The following LIG3 variants were observed in gnomAD, a reference collection of about 807,000 sequenced individuals.
LIG3 encodes the protein DNA ligase 3, also known as ligase II, DNA, ATP-dependent.
In LIG3, 58 loss-of-function variants were observed where a neutral mutation model predicts 110.9. The observed-to-expected ratio is 0.52, with a 90% CI of 0.42 to 0.65. The LOEUF (loss-of-function observed/expected upper bound fraction) is 0.65. LIG3 is among the 30% of genes least tolerant of loss of function. LIG3 has a pLI of 0.00. For synonymous variants in LIG3, 422 were observed against 472.8 expected (o/e 0.89, Z 1.39); for missense variants, 1,094 against 1,273.8 (o/e 0.86, Z 2.15).
intron 8 of LIG3, among the ~76,000 whole-genome samples, chr17:34,993,870 C>G (rs538075938): frequency 6.6e-5 from 10 of 152,158 alleles, no homozygotes; most frequent in Non-Finnish European, 1.0e-4. Context: ...CTGCCAGCCT[C>G]ACTGTCACCT....
rs772165438 is a variant in LIG3 at position 34,983,487 on chromosome 17, C to CAGAGCTGGAAGGCTGGGA, written c.494_511dup (p.Gly165_Glu170dup). 1.2e-6 allele frequency: 2 copies of CAGAGCTGGAAGGCTGGGA among 1,614,056 alleles called. No homozygotes were observed. The highest frequency in any genetic ancestry group is 1.7e-4 in the Middle Eastern group (1 of 6,054). ...ACCACAAAAAAAATCGAGGACCTCA[C>CAGAGCTGGAAGGCTGGGA]AGAGCTGGAAGGCTGGGAAGAGCTG... On this transcript the variant is annotated inframe_insertion, in exon 2 of 20. Transcript: ENST00000378526.
In LIG3 at chr17:34,995,693, G is replaced by A. The variant is rs565845678; in HGVS notation, c.1612-371G>A. Among the ~76,000 whole-genome samples the A allele has an allele frequency of 2.6e-5, 4 of 152,160 alleles. No homozygotes were observed. In the South Asian group the frequency reaches 6.2e-4, roughly 24 times the overall value. On this transcript the variant is annotated intron_variant, in intron 9 of 19. Transcript: ENST00000378526. ...AAGTAGTCTGTTCTCCCCTAATCCAGTCCCCAGCCTGATAGTCACACATCT... is the reference window on the plus strand; with the variant it reads ...AAGTAGTCTGTTCTCCCCTAATCCAATCCCCAGCCTGATAGTCACACATCT...
intron 12 of LIG3, 66 bp from the exon 13 acceptor site, chr17:34,998,153 C>A (rs1567692358): frequency 1.6e-6 from 2 of 1,213,164 alleles, no homozygotes; most frequent in East Asian, 2.3e-5. Flanking sequence ...TGAAAAGGAA[C>A]AACCCCCACT....
Position 35,004,438 on chromosome 17 carries a change from G to A in LIG3, c.2962G>A (p.Ala988Thr), listed in dbSNP as rs766941543. ...VLGSRDKNPA[A>T]QQVSPEWIWA... ...GGGTAGCAGGGACAAGAACCCTGCG[G>A]CCCAGCAGGTCTCCCCAGAGTGGAT... Residue 988 changes from alanine to threonine, a missense_variant, in exon 20 of 20, where the codon GCC (alanine) becomes ACC (threonine). By Grantham distance (58) the Ala-to-Thr change is moderately conservative. Coordinates refer to ENST00000378526, the MANE Select transcript of LIG3 (RefSeq NM_013975.4). 3 of 1,614,198 alleles carry A rather than the reference G, an allele frequency of 1.9e-6. No homozygotes were observed. The highest frequency in any genetic ancestry group is 2.2e-5 in the South Asian group (2 of 91,082).
intron 16 of LIG3, among the ~76,000 whole-genome samples, chr17:35,000,659 A>G (rs1410345368): frequency 3.1e-5 from 4 of 126,994 alleles, no homozygotes; most frequent in Non-Finnish European, 6.2e-5. Flanking sequence ...TCTGTTGTCC[A>G]GGCTGGAGTG....
Position 35,004,495 on chromosome 17 carries a change from G to C in LIG3, c.3019G>C (p.Ala1007Pro), listed in dbSNP as rs773409007. 6.2e-7 allele frequency: 1 copy of C among 1,613,496 alleles called. No homozygotes were observed. Among genetic ancestry groups the C allele is most frequent in the Middle Eastern group, 1.6e-4 (1 of 6,062 alleles). Reference protein sequence around the residue: ...WACIRKRRLVAPC With the variant: ...WACIRKRRLVPPC ...ATGTATCCGGAAACGGAGACTGGTA[G>C]CTCCCTGCTAGGTTTGCTGTCTTCC... is the stretch of plus-strand genomic sequence containing the variant. The change falls in exon 20 of 20, where the codon GCT becomes CCT. Residue 1007 changes from alanine to proline, a missense_variant. Physicochemically the swap from Ala to Pro is conservative, Grantham distance 27. Coordinates refer to ENST00000378526, the MANE Select transcript of LIG3 (RefSeq NM_013975.4).
Position 34,991,956 on chromosome 17 carries a change from A to G in LIG3, c.1209-2A>G, listed in dbSNP as rs1374771606. ...CAAGTTAAATGTGCTTCATCCCCCT[A>G]GGTGTACAGCCAATGACCTTAAATG... On this transcript the variant is annotated splice_acceptor_variant, in intron 6 of 19. Coordinates refer to ENST00000378526, the MANE Select transcript of LIG3 (RefSeq NM_013975.4). LOFTEE classifies it high-confidence loss of function. 1.3e-5 allele frequency: 21 copies of G among 1,613,994 alleles called. No individual in the cohort carries two copies. The highest frequency in any genetic ancestry group is 1.8e-5 in the Non-Finnish European group (21 of 1,179,898).
In LIG3 at chr17:34,989,365, A is replaced by T. The variant is rs557932446; in HGVS notation, c.692-101A>T. 1.9e-5 allele frequency: 21 copies of T among 1,082,534 alleles called. No homozygotes were observed. The East Asian group carries it at 5.4e-4, about 28-fold the overall frequency. The allele number at this position is 1,082,534 out of a possible 1,614,324, so 67.1% of individuals were successfully genotyped here. The stretch of plus-strand genomic sequence containing the variant: ...CCCAAAAGTCTATTCGGGGAGATTA[A>T]ATAAAGCTAAATACCAGCAGAATAT... On this transcript the variant is annotated intron_variant, in intron 3 of 19. Transcript: ENST00000378526.
At chr17:34,985,923 C>A in intron 2 of LIG3, 65 bp from the exon 3 acceptor site, 1 of 1,542,322 alleles carries the variant, frequency 6.5e-7, no homozygotes, top group Non-Finnish European at 8.9e-7. Context: ...TTGATAGATT[C>A]TTTGGATGTT....
intron 16 of LIG3, 95 bp downstream of exon 16, chr17:34,999,951 C>T: frequency 1.0e-6 from 1 of 988,432 alleles, no homozygotes; most frequent in East Asian, 2.6e-5. Context: ...GCTGAAAGTC[C>T]ACCCAGGGAT....
Position 34,999,868 on chromosome 17 carries a change from G to C in LIG3, c.2331+12G>C, listed in dbSNP as rs1385898225. 6.2e-7 allele frequency: 1 copy of C among 1,605,972 alleles called. No homozygotes were observed. The highest frequency in any genetic ancestry group is 2.2e-5 in the East Asian group (1 of 44,818). On this transcript the variant is annotated intron_variant, in intron 16 of 19. Coordinates refer to ENST00000378526, the MANE Select transcript of LIG3 (RefSeq NM_013975.4). Reference sequence around the variant, plus strand: ...TCCCAGACCCAAAGGTATCAACCCAGTGGCTTGGGGGCCTCCAGCTCATAG... The same window carrying C: ...TCCCAGACCCAAAGGTATCAACCCACTGGCTTGGGGGCCTCCAGCTCATAG...
chr17:35,006,749 T>C lies in LIG3; in HGVS notation c.*2243T>C, dbSNP rs2090897737. The C allele has an allele frequency of 6.6e-6, 1 of 152,224 alleles. No homozygotes were observed. The highest frequency in any genetic ancestry group is 2.4e-5 in the African/African-American group (1 of 41,432). The allele number at this position is 152,224 out of a possible 1,614,324, so 9.4% of individuals were successfully genotyped here. On this transcript the variant is annotated 3_prime_UTR_variant, in exon 20 of 20. Transcript: ENST00000378526. ...CTCTTGAGGGTCAGTTCTCACCTTA[T>C]GAACAAATTAACAGGCTCTGGACCT...
intron 11 of LIG3, chr17:34,996,920 C>T (rs926713753): frequency 4.7e-6 from 2 of 429,758 alleles, no homozygotes. Context: ...ACAGAAGAAA[C>T]CCAAACCCCC....
In LIG3 at chr17:35,005,325, T is replaced by G. The variant is rs747324598; in HGVS notation, c.*819T>G. ...ATGGAGACTTTGTACCATATCCCAT[T>G]CTTAGTGCTCGAGTGTTCCAACCTG... On this transcript the variant is annotated 3_prime_UTR_variant, in exon 20 of 20. Coordinates refer to ENST00000378526, the MANE Select transcript of LIG3 (RefSeq NM_013975.4). 3 of 549,816 alleles carry G rather than the reference T, an allele frequency of 5.5e-6. No homozygotes were observed. The East Asian group carries it at 1.5e-4, about 27-fold the overall frequency. The allele number at this position is 549,816 out of a possible 1,614,324, so 34.1% of individuals were successfully genotyped here.
At chr17:34,995,115 G>T (rs1442017072) in intron 9 of LIG3, among the ~76,000 whole-genome samples, 1 of 152,186 alleles carries the variant, frequency 6.6e-6, no homozygotes, top group Admixed American at 6.5e-5. Flanking sequence ...TCCTATCTTT[G>T]CTATCCTTTT....
At chr17:35,000,367 T>C (rs1360882825) in intron 16 of LIG3, among the ~76,000 whole-genome samples, 1 of 152,198 alleles carries the variant, frequency 6.6e-6, no homozygotes, top group East Asian at 1.9e-4. Flanking sequence ...CAAGTGATTC[T>C]CCTGCTTCAG....
At chr17:34,988,135 G>T (rs2090678162) in intron 3 of LIG3, among the ~76,000 whole-genome samples, 1 of 146,198 alleles carries the variant, frequency 6.8e-6, no homozygotes, top group Non-Finnish European at 1.5e-5. Flanking sequence ...AGAGCCTGCA[G>T]TGAGCCAAGA....
At chr17:34,991,936 T>A (rs757313618) in intron 6 of LIG3, 22 bp from the exon 7 acceptor site, 2 of 1,614,060 alleles carry the variant, frequency 1.2e-6, no homozygotes, top group Non-Finnish European at 1.7e-6. Flanking sequence ...AAGACCAAGT[T>A]AAATGTGCTT....
At chr17:35,002,633 G>A in intron 18 of LIG3, 35 bp from the exon 19 acceptor site, 1 of 1,601,290 alleles carries the variant, frequency 6.2e-7, no homozygotes. Flanking sequence ...CTATAGGTGT[G>A]CACCACCACA....
Sources: allele counts gnomAD v4.1 joint callset (sites outside exome capture counted in the v4.1 genomes callset), GRCh38; gene constraint gnomAD v4.1.1; transcripts MANE v1.5; gene names NCBI Gene and HGNC (gene_info 2026-07-23, HGNC 2026-07-21).